The following FAF1 variants were observed in gnomAD, a reference collection of about 807,000 sequenced individuals.
FAF1 encodes the protein Fas associated factor 1, also known as FAS-associated factor 1.
In FAF1, 25 loss-of-function variants were observed where a neutral mutation model predicts 92.5. The observed-to-expected ratio is 0.27, with a 90% CI of 0.20 to 0.38. The LOEUF (loss-of-function observed/expected upper bound fraction) is 0.38, where lower values mean the gene tolerates loss of function less well. Among genes scored for constraint, FAF1 ranks in the 10% least tolerant of loss-of-function variants. FAF1 has a pLI of 1.00. For missense variants in FAF1, 636 were observed against 793.3 expected, an observed-to-expected ratio of 0.80 and a Z score of 2.38; for synonymous variants, 234 against 273.2, an observed-to-expected ratio of 0.86 and a Z score of 1.42.
intron 4 of FAF1, among the ~76,000 whole-genome samples, chr1:50,756,110 G>A (rs1370787156): frequency 6.6e-6 from 1 of 152,142 alleles, no homozygotes; most frequent in Non-Finnish European, 1.5e-5. Context: ...CTCAGAAAAT[G>A]GGATTTTCTT....
At chr1:50,683,508 C>T (rs1385659431) in intron 7 of FAF1, among the ~76,000 whole-genome samples, 1 of 150,784 alleles carries the variant, frequency 6.6e-6, no homozygotes, top group Non-Finnish European at 1.5e-5. Flanking sequence ...GCCTGGGTGA[C>T]AGAGTGAGAC....
chr1:50,802,968 T>A (rs960323897), intron 2 of FAF1, among the ~76,000 whole-genome samples: 2 of 152,092 alleles, frequency 1.3e-5, no homozygotes, highest in African/African-American at 4.8e-5. Flanking sequence ...TGTAGGGTGT[T>A]TGCTATGAAT....
intron 2 of FAF1, among the ~76,000 whole-genome samples, chr1:50,850,944 T>C (rs967590044): frequency 6.6e-6 from 1 of 152,236 alleles, no homozygotes; most frequent in Admixed American, 6.5e-5. Flanking sequence ...CCACTGACTT[T>C]GCTACAATGA....
At chr1:50,888,946 C>T (rs960695483) in intron 1 of FAF1, among the ~76,000 whole-genome samples, 29 of 152,280 alleles carry the variant, frequency 1.9e-4, no homozygotes, top group African/African-American at 6.5e-4. Flanking sequence ...ATGGTACCAG[C>T]TCCTCCTTGT....
chr1:50,885,342 T>TCC (rs138529130), intron 1 of FAF1, among the ~76,000 whole-genome samples: 124 of 140,786 alleles, frequency 8.8e-4, no homozygotes, highest in Middle Eastern at 3.5e-3. Flanking sequence ...TCTCTCTCTC[T>TCC]CAATATTTGC....
At chr1:50,584,405 T>C (rs1327700917) in intron 10 of FAF1, among the ~76,000 whole-genome samples, 2 of 152,134 alleles carry the variant, frequency 1.3e-5, no homozygotes, top group African/African-American at 4.8e-5. Flanking sequence ...AATCAGCCTC[T>C]AGGTTTAAAG....
chr1:50,757,069 T>C (rs528147354), intron 4 of FAF1, among the ~76,000 whole-genome samples: 54 of 152,378 alleles, frequency 3.5e-4, no homozygotes, highest in Admixed American at 6.5e-4. Flanking sequence ...ACAGGGATAT[T>C]CCAAATTCTT....
At chr1:50,784,037 T>G (rs913943755) in intron 4 of FAF1, among the ~76,000 whole-genome samples, 4 of 152,144 alleles carry the variant, frequency 2.6e-5, no homozygotes, top group Admixed American at 6.5e-5. Flanking sequence ...GGAAATAACC[T>G]CTACATAATA....
At chr1:50,828,244 A>G (rs1271167214) in intron 2 of FAF1, among the ~76,000 whole-genome samples, 5 of 151,900 alleles carry the variant, frequency 3.3e-5, no homozygotes, top group Non-Finnish European at 5.9e-5. Context: ...AGAAGTAGGG[A>G]AAAAAGGGTC....
At chr1:50,924,315 C>T (rs1297282623) in intron 1 of FAF1, among the ~76,000 whole-genome samples, 1 of 146,476 alleles carries the variant, frequency 6.8e-6, no homozygotes, top group Non-Finnish European at 1.5e-5. Context: ...ATCCCATTTA[C>T]AATAGCTATC....
Position 50,725,870 on chromosome 1 carries a change from A to C in FAF1, c.551+12993T>G, listed in dbSNP as rs1024657331. 3.9e-5 allele frequency among the ~76,000 whole-genome samples: 6 copies of C among 152,214 alleles called. No homozygotes were observed. In the East Asian group the frequency reaches 9.6e-4, roughly 24 times the overall value. On this transcript the variant is annotated intron_variant, in intron 6 of 18. Transcript: ENST00000396153. ...AGCACTAATTCAAAGCCATAGTTAA[A>C]TGCAACTTCACAACCCAGAGGCCAC...
intron 8 of FAF1, among the ~76,000 whole-genome samples, chr1:50,605,261 A>G (rs1652322442): frequency 6.6e-6 from 1 of 152,240 alleles, no homozygotes; most frequent in African/African-American, 2.4e-5. Flanking sequence ...CTAAACACAG[A>G]CATCAATATT....
chr1:50,715,065 T>C, intron 6 of FAF1: 1 of 400,130 alleles, frequency 2.5e-6, no homozygotes, highest in Non-Finnish European at 4.9e-6. Context: ...ACAATTTGGT[T>C]TCTACAAACA....
chr1:50,476,606 T>C (rs1403428146), intron 17 of FAF1, among the ~76,000 whole-genome samples: 1 of 152,208 alleles, frequency 6.6e-6, no homozygotes, highest in Non-Finnish European at 1.5e-5. Context: ...AAACCTTTTT[T>C]GTCTAGAACC....
intron 7 of FAF1, among the ~76,000 whole-genome samples, chr1:50,686,018 CAA>C (rs1039510630): frequency 6.6e-6 from 1 of 152,180 alleles, no homozygotes; most frequent in Admixed American, 6.5e-5. Context: ...ATCCCCTGCT[CAA>C]ATACACTTTC....
At chr1:50,731,643 C>A (rs111580012) in intron 6 of FAF1, among the ~76,000 whole-genome samples, 10,032 of 152,058 alleles carry the variant, frequency 0.066, 410 homozygotes, top group East Asian at 0.093. Context: ...GCTGGGATTA[C>A]AGGCATGAGC....
intron 13 of FAF1, among the ~76,000 whole-genome samples, chr1:50,549,098 T>A (rs1291297717): frequency 6.6e-6 from 1 of 152,212 alleles, no homozygotes; most frequent in Non-Finnish European, 1.5e-5. Context: ...CTCAGATCAC[T>A]AAACAGGAAG....
intron 1 of FAF1, among the ~76,000 whole-genome samples, chr1:50,937,244 T>A (rs906559971): frequency 1.3e-5 from 2 of 152,092 alleles, no homozygotes; most frequent in Admixed American, 6.5e-5. Flanking sequence ...GTATTCCAGA[T>A]CTCTTTTGGA....
chr1:50,893,746 A>T (rs1263413709), intron 1 of FAF1, among the ~76,000 whole-genome samples: 1 of 152,196 alleles, frequency 6.6e-6, no homozygotes, highest in Non-Finnish European at 1.5e-5. Flanking sequence ...CAGATGGTGA[A>T]GCCAACCAAG....
Sources: gnomAD v4.1 joint callset for allele counts (sites outside exome capture counted in the v4.1 genomes callset) on GRCh38, gnomAD v4.1.1 for gene constraint, MANE v1.5 for transcripts, NCBI Gene and HGNC (gene_info 2026-07-23, HGNC 2026-07-21) for gene names.